Variants in ATP8A2 observed in about 807,000 individuals in gnomAD.
ATP8A2 encodes the protein phospholipid-transporting ATPase IB.
Under a neutral mutation model 165.6 loss-of-function variants are expected in ATP8A2, and 100 were observed. That is an observed-to-expected ratio of 0.60 (90% CI 0.51 to 0.71). The LOEUF is 0.71. Ranked by LOEUF, ATP8A2 falls within the 30% of genes least tolerant of loss-of-function variation. ATP8A2 has a pLI of 0.00. For missense variants in ATP8A2, 1,227 were observed against 1,479.5 expected (o/e 0.83, Z 2.80); for synonymous variants, 543 against 548.8 (o/e 0.99, Z 0.15).
At chr13:25,691,934 A>T (rs753864744) in intron 24 of ATP8A2, among the ~76,000 whole-genome samples, 6 of 152,228 alleles carry the variant, frequency 3.9e-5, no homozygotes, top group Non-Finnish European at 7.3e-5. Flanking sequence ...CTATAAATAC[A>T]AAAGCATGGA....
chr13:25,985,700 G>A (rs1422050382), intron 35 of ATP8A2, among the ~76,000 whole-genome samples: 1 of 152,174 alleles, frequency 6.6e-6, no homozygotes, highest in African/African-American at 2.4e-5. Flanking sequence ...GGGGACTATG[G>A]GCATCCTTGT....
intron 28 of ATP8A2, among the ~76,000 whole-genome samples, chr13:25,828,908 A>AT (rs1296942764): frequency 2.0e-5 from 3 of 152,126 alleles, no homozygotes; most frequent in African/African-American, 7.2e-5. Context: ...AGAATGGCCC[A>AT]TTTTTTGAGT....
intron 30 of ATP8A2, among the ~76,000 whole-genome samples, chr13:25,851,863 C>G (rs9511954): frequency 6.9e-6 from 1 of 144,902 alleles, no homozygotes; most frequent in African/African-American, 2.6e-5. Context: ...ATGTTTTTTT[C>G]TTTTTTAGAG....
chr13:25,386,532 C>T (rs2033051192), intron 1 of ATP8A2, among the ~76,000 whole-genome samples: 1 of 152,142 alleles, frequency 6.6e-6, no homozygotes, highest in African/African-American at 2.4e-5. Context: ...ATAGCCATTT[C>T]CTCTTCTCTC....
chr13:25,816,485 G>A (rs1164899777), intron 27 of ATP8A2, among the ~76,000 whole-genome samples: 2 of 152,074 alleles, frequency 1.3e-5, no homozygotes, highest in Non-Finnish European at 2.9e-5. Context: ...CAGCCCAAGT[G>A]GCCACCACAT....
At chr13:25,933,565 C>G (rs936842413) in intron 33 of ATP8A2, among the ~76,000 whole-genome samples, 1 of 152,160 alleles carries the variant, frequency 6.6e-6, no homozygotes, top group Non-Finnish European at 1.5e-5. Context: ...CGTGATTACA[C>G]TAGGACGTAG....
chr13:25,582,325 G>T (rs2039798306), intron 23 of ATP8A2, among the ~76,000 whole-genome samples: 1 of 152,176 alleles, frequency 6.6e-6, no homozygotes, highest in Non-Finnish European at 1.5e-5. Context: ...CCATTTTAAT[G>T]GTTTTGCCCA....
chr13:25,885,578 C>G (rs1953123018), intron 33 of ATP8A2, among the ~76,000 whole-genome samples: 1 of 152,122 alleles, frequency 6.6e-6, no homozygotes, highest in African/African-American at 2.4e-5. Context: ...TGCAGAGCCC[C>G]CGGGGTTGGC....
chr13:25,866,976 C>T (rs888683646), intron 33 of ATP8A2, among the ~76,000 whole-genome samples: 4 of 152,098 alleles, frequency 2.6e-5, no homozygotes, highest in Non-Finnish European at 5.9e-5. Flanking sequence ...AATCGTTAAC[C>T]ATGGAAAAAT....
intron 28 of ATP8A2, among the ~76,000 whole-genome samples, chr13:25,829,672 A>G (rs556451834): frequency 0.029 from 286 of 9,946 alleles, 2 homozygotes; most frequent in African/African-American, 0.096. Context: ...GGTGTGGTAT[A>G]TATATATATA....
rs1433744156 is a variant in ATP8A2, at chr13:26,022,972, G to A, written c.*2987G>A. 2.6e-4 allele frequency: 39 copies of A among 152,278 alleles called. No homozygotes were observed. Among genetic ancestry groups the A allele is most frequent in the Admixed American group, 2.6e-3 (39 of 15,288 alleles). The allele number at this position is 152,278 out of a possible 1,614,324, so 9.4% of individuals were successfully genotyped here. A position where few individuals can be genotyped will look rare whatever the true frequency, so the allele number is the denominator to read the frequency against. The stretch of plus-strand genomic sequence containing the variant: ...CCTGTGTTGAGTCTCTCTTCTCCTG[G>A]ATGACCCTGCAAAAGGAAGAGACCA... On this transcript the variant is annotated 3_prime_UTR_variant, in exon 37 of 37. Transcript: ENST00000381655.
chr13:25,474,574 A>G (rs958829094), intron 2 of ATP8A2, among the ~76,000 whole-genome samples: 7 of 151,998 alleles, frequency 4.6e-5, no homozygotes, highest in African/African-American at 1.7e-4. Context: ...AAAAAAGAAA[A>G]AAAAAAAAAG....
rs181896427 is a variant in ATP8A2, at chr13:25,620,769, G to A, written c.2211+31070G>A. Among the ~76,000 whole-genome samples, 697 of 152,242 alleles carry A rather than the reference G, an allele frequency of 4.6e-3. 3 individuals are homozygous for A. The highest frequency in any genetic ancestry group is 0.016 in the African/African-American group (646 of 41,558). On this transcript the variant is annotated intron_variant, in intron 24 of 36. Transcript: ENST00000381655. ...AAAATTCTTTACTACATTTTAAGTC[G>A]AATAATTGAACAAAATGTTAGAAAT...
chr13:25,616,017 T>C (rs993129009), intron 24 of ATP8A2, among the ~76,000 whole-genome samples: 7 of 152,192 alleles, frequency 4.6e-5, no homozygotes, highest in African/African-American at 1.7e-4. Flanking sequence ...CTCCACATGC[T>C]GCTTTGTTTG....
At chr13:25,877,042 A>T (rs1490472329) in intron 33 of ATP8A2, among the ~76,000 whole-genome samples, 1 of 152,176 alleles carries the variant, frequency 6.6e-6, no homozygotes, top group Admixed American at 6.5e-5. Flanking sequence ...AAAAAAAAAA[A>T]CTAATCCTTT....
At chr13:25,622,372 G>C (rs1483695128) in intron 24 of ATP8A2, among the ~76,000 whole-genome samples, 2 of 152,094 alleles carry the variant, frequency 1.3e-5, no homozygotes, top group South Asian at 2.1e-4. Context: ...TGAGAGGAAT[G>C]ATGAGGAGCA....
intron 1 of ATP8A2, among the ~76,000 whole-genome samples, chr13:25,431,190 C>G (rs1162391200): frequency 2.0e-5 from 3 of 152,008 alleles, no homozygotes; most frequent in African/African-American, 7.3e-5. Flanking sequence ...ACTTTTGTTG[C>G]CCAGGCTAGA....
At chr13:25,528,981 C>T (rs2037943174) in intron 2 of ATP8A2, among the ~76,000 whole-genome samples, 1 of 152,088 alleles carries the variant, frequency 6.6e-6, no homozygotes, top group Non-Finnish European at 1.5e-5. Flanking sequence ...CCCCACTTCC[C>T]CCACCCCACA....
At chr13:25,707,008 GA>G (rs1159219692) in intron 25 of ATP8A2, among the ~76,000 whole-genome samples, 2 of 151,822 alleles carry the variant, frequency 1.3e-5, no homozygotes, top group Non-Finnish European at 2.9e-5. Flanking sequence ...CACCATCTTG[GA>G]AAAAAAATTT....
Sources: allele counts gnomAD v4.1 joint callset (sites outside exome capture counted in the v4.1 genomes callset), GRCh38; gene constraint gnomAD v4.1.1; transcripts MANE v1.5; gene names NCBI Gene and HGNC (gene_info 2026-07-23, HGNC 2026-07-21).